TMEM200A: variants seen among roughly 807,000 people sequenced by gnomAD.
The protein encoded by TMEM200A is two transmembrane C.
A neutral mutation model predicts 24.3 loss-of-function variants in TMEM200A; 12 were observed. The observed-to-expected ratio is 0.49, with a 90% CI of 0.32 to 0.80. The LOEUF (loss-of-function observed/expected upper bound fraction) is 0.80. Among genes scored for constraint, TMEM200A ranks in the 30% least tolerant of loss-of-function variants. TMEM200A has a pLI of 0.04. For synonymous variants in TMEM200A, 224 were observed against 224.4 expected (o/e 1.00, Z 0.02); for missense variants, 545 against 614.4 (o/e 0.89, Z 1.19).
intron 2 of TMEM200A, among the ~76,000 whole-genome samples, chr6:130,405,280 GT>G (rs571720548): frequency 2.4e-4 from 36 of 152,030 alleles, no homozygotes; most frequent in Non-Finnish European, 4.6e-4. Flanking sequence ...GATTCTTTCT[GT>G]TCATGAGCAT....
intron 2 of TMEM200A, among the ~76,000 whole-genome samples, chr6:130,408,104 G>T (rs569421772): frequency 6.6e-6 from 1 of 152,248 alleles, no homozygotes; most frequent in South Asian, 2.1e-4. Flanking sequence ...GTATTCCCAG[G>T]ATAGTAATAA....
chr6:130,426,530 T>G (rs1257491690), intron 2 of TMEM200A, among the ~76,000 whole-genome samples: 2 of 148,550 alleles, frequency 1.3e-5, no homozygotes, highest in African/African-American at 2.4e-5. Flanking sequence ...GCTGCCTGCT[T>G]TATGAGAGTA....
intron 2 of TMEM200A, among the ~76,000 whole-genome samples, chr6:130,397,719 C>T (rs1778983726): frequency 6.6e-6 from 1 of 151,336 alleles, no homozygotes; most frequent in South Asian, 2.1e-4. Context: ...GATTTATTTC[C>T]ACCATCCTAT....
intron 2 of TMEM200A, among the ~76,000 whole-genome samples, chr6:130,423,154 A>C (rs951788428): frequency 3.3e-5 from 5 of 152,166 alleles, no homozygotes; most frequent in African/African-American, 9.7e-5. Flanking sequence ...CCACGGAGTG[A>C]GCTCTTTTTC....
chr6:130,397,847 A>G (rs1778986450), intron 2 of TMEM200A, among the ~76,000 whole-genome samples: 1 of 151,216 alleles, frequency 6.6e-6, no homozygotes, highest in Non-Finnish European at 1.5e-5. Flanking sequence ...TATAATAATC[A>G]TATCCTTTGC....
In TMEM200A at chr6:130,374,423, T is replaced by TG. The variant is rs951854925; in HGVS notation, c.-81+7899_-81+7900insG. ...TTGTTTTTGTTTTTGTTTTTGTTTT[T>TG]TTTTTTTCAGACGGAGTCTCGCTCT... is the stretch of plus-strand genomic sequence containing the variant. On this transcript the variant is annotated intron_variant, in intron 1 of 2. Coordinates refer to ENST00000296978, the MANE Select transcript of TMEM200A (RefSeq NM_001258277.2). 2.3e-3 allele frequency among the ~76,000 whole-genome samples: 344 copies of TG among 148,908 alleles called. 1 individual carries two copies. Among genetic ancestry groups the TG allele is most frequent in the Non-Finnish European group, 3.4e-3 (227 of 66,210 alleles).
At chr6:130,392,650 G>C (rs532085574) in intron 2 of TMEM200A, among the ~76,000 whole-genome samples, 1 of 152,192 alleles carries the variant, frequency 6.6e-6, no homozygotes, top group South Asian at 2.1e-4. Context: ...TGTGTTAGCT[G>C]TTCCCTCCTC....
At chr6:130,402,456 T>G (rs1047579665) in intron 2 of TMEM200A, among the ~76,000 whole-genome samples, 2 of 152,078 alleles carry the variant, frequency 1.3e-5, no homozygotes, top group Non-Finnish European at 2.9e-5. Flanking sequence ...GAACCTTTTA[T>G]TATGCTTATG....
chr6:130,399,917 T>C (rs987730449), intron 2 of TMEM200A, among the ~76,000 whole-genome samples: 1 of 151,976 alleles, frequency 6.6e-6, no homozygotes, highest in African/African-American at 2.4e-5. Flanking sequence ...CTCCCACATA[T>C]CAGTGAGAAC....
At chr6:130,396,140 C>T (rs755989117) in intron 2 of TMEM200A, among the ~76,000 whole-genome samples, 10 of 152,136 alleles carry the variant, frequency 6.6e-5, no homozygotes, top group Non-Finnish European at 1.3e-4. Context: ...TCTCTACTCT[C>T]AGATTTTTTA....
At chr6:130,396,386 A>G (rs1299500881) in intron 2 of TMEM200A, among the ~76,000 whole-genome samples, 1 of 148,872 alleles carries the variant, frequency 6.7e-6, no homozygotes, top group African/African-American at 2.5e-5. Context: ...TTTTTAAACT[A>G]AGAATATTTT....
intron 2 of TMEM200A, among the ~76,000 whole-genome samples, chr6:130,433,293 T>G (rs1294863566): frequency 1.3e-5 from 2 of 152,120 alleles, no homozygotes; most frequent in African/African-American, 4.8e-5. Flanking sequence ...CCCACCACCA[T>G]GCCCAACTAA....
Position 130,440,984 on chromosome 6 carries a change from T to G in TMEM200A, c.562T>G (p.Leu188Val), listed in dbSNP as rs1450149234. 6.2e-7 allele frequency: 1 copy of G among 1,613,974 alleles called. No homozygotes were observed. Among genetic ancestry groups the G allele is most frequent in the African/African-American group, 1.3e-5 (1 of 74,988 alleles). The change falls in exon 3 of 3, where the codon TTG becomes GTG. Residue 188 changes from leucine (L) to valine (V), a missense_variant. Transcript: ENST00000296978. ...QRQMNGMYTG[L>V]MGETEVKQNG... ...GCAAATGAACGGCATGTACACTGGT[T>G]TGATGGGAGAAACAGAAGTAAAACA...
At chr6:130,410,334 C>T (rs952051720) in intron 2 of TMEM200A, among the ~76,000 whole-genome samples, 1 of 152,142 alleles carries the variant, frequency 6.6e-6, no homozygotes. Flanking sequence ...CAGATGGACT[C>T]AAAATCTCTG....
At chr6:130,373,966 A>G (rs919217494) in intron 1 of TMEM200A, among the ~76,000 whole-genome samples, 5 of 152,208 alleles carry the variant, frequency 3.3e-5, no homozygotes, top group Non-Finnish European at 7.3e-5. Flanking sequence ...TGTTACCCAA[A>G]TCTCCCTTTT....
rs189877654 is a variant in TMEM200A at position 130,416,529 on chromosome 6, C to T, written c.-16-23878C>T. 2.8e-3 allele frequency among the ~76,000 whole-genome samples: 433 copies of T among 152,256 alleles called. 2 individuals carry two copies. Among genetic ancestry groups the T allele is most frequent in the Non-Finnish European group, 5.4e-3 (366 of 68,018 alleles). ...ACTGGGCATCATCTTGATAGCTGCT[C>T]ATCTTTACTGCCCACACCCAGTGTC... On this transcript the variant is annotated intron_variant, in intron 2 of 2. Coordinates refer to ENST00000296978, the MANE Select transcript of TMEM200A (RefSeq NM_001258277.2).
chr6:130,384,205 G>A (rs1020491975), intron 1 of TMEM200A, among the ~76,000 whole-genome samples: 2 of 152,070 alleles, frequency 1.3e-5, no homozygotes, highest in Non-Finnish European at 2.9e-5. Flanking sequence ...TAAGAAATAA[G>A]CTTACCGTTT....
At chr6:130,378,837 T>G (rs1377339350) in intron 1 of TMEM200A, among the ~76,000 whole-genome samples, 8 of 151,982 alleles carry the variant, frequency 5.3e-5, no homozygotes, top group Admixed American at 3.9e-4. Flanking sequence ...TGCTGTAACA[T>G]GAATATCACA....
At chr6:130,409,440 T>C (rs1159387893) in intron 2 of TMEM200A, among the ~76,000 whole-genome samples, 2 of 152,194 alleles carry the variant, frequency 1.3e-5, no homozygotes, top group Non-Finnish European at 2.9e-5. Context: ...CAGGCTGCTC[T>C]ACACAAGTTT....
Sources: gnomAD v4.1 joint callset for allele counts (sites outside exome capture counted in the v4.1 genomes callset) on GRCh38, gnomAD v4.1.1 for gene constraint, MANE v1.5 for transcripts, NCBI Gene and HGNC (gene_info 2026-07-23, HGNC 2026-07-21) for gene names.